Variants in POLH observed in about 807,000 individuals in gnomAD.
The protein encoded by POLH is DNA polymerase eta.
In POLH, 53 loss-of-function variants were observed where a neutral mutation model predicts 73.6. The observed-to-expected ratio is 0.72, with a 90% CI of 0.58 to 0.91. The LOEUF is 0.91. POLH is among the 40% of genes least tolerant of loss of function. The pLI is 0.00. For synonymous variants in POLH, 292 were observed against 308.5 expected, an observed-to-expected ratio of 0.95 and a Z score of 0.56; for missense variants, 768 against 865.4, an observed-to-expected ratio of 0.89 and a Z score of 1.41.
chr6:43,614,370 AC>A lies in POLH; in HGVS notation c.1956del (p.Tyr653IlefsTer59). The A allele has an allele frequency of 6.2e-7, 1 of 1,613,988 alleles. No homozygotes were observed. Among genetic ancestry groups the A allele is most frequent in the Non-Finnish European group, 8.5e-7 (1 of 1,179,836 alleles). ...VPVWDMPEHMDYHFALELQKS... is the reference protein window; with the variant it reads ...VPVWDMPEHMXYHFALELQKS... The stretch of plus-strand genomic sequence containing the variant: ...GTATGGGATATGCCAGAACACATGG[AC>A]TATCATTTTGCATTGGAGTTGCAGA... On this transcript the variant is annotated frameshift_variant, in exon 11 of 11. Coordinates refer to ENST00000372236, the MANE Select transcript of POLH (RefSeq NM_006502.3). LOFTEE classifies it high-confidence loss of function.
At chr6:43,605,097 G>A (rs181848341) in intron 8 of POLH, among the ~76,000 whole-genome samples, 157 bp from the exon 9 acceptor site, 42 of 152,258 alleles carry the variant, frequency 2.8e-4, no homozygotes, top group Non-Finnish European at 5.1e-4. Context: ...AGGACAGAAG[G>A]ACTGGGAACA....
chr6:43,592,420 T>TTTG (rs1765560515), intron 4 of POLH, among the ~76,000 whole-genome samples: 2 of 149,584 alleles, frequency 1.3e-5, no homozygotes, highest in Non-Finnish European at 1.5e-5. Flanking sequence ...TTTTTTTTTT[T>TTTG]TTGGAGAGGG....
chr6:43,585,898 C>A (rs1179560407), intron 3 of POLH, among the ~76,000 whole-genome samples: 2 of 151,646 alleles, frequency 1.3e-5, no homozygotes, highest in Non-Finnish European at 2.9e-5. Context: ...CCCACCTCTG[C>A]CTCCCAAAGT....
chr6:43,577,781 T>C (rs1323251733), intron 1 of POLH, among the ~76,000 whole-genome samples: 4 of 152,238 alleles, frequency 2.6e-5, no homozygotes, highest in African/African-American at 7.2e-5. Flanking sequence ...TGGAATTACC[T>C]GGAGAGCTTT....
intron 7 of POLH, 66 bp from the exon 8 acceptor site, chr6:43,604,549 T>C: frequency 1.3e-6 from 2 of 1,525,082 alleles, no homozygotes; most frequent in South Asian, 2.2e-5. Context: ...AATATAGTTA[T>C]TTGGTTTTGT....
At chr6:43,612,880 C>T (rs902021682) in intron 10 of POLH, among the ~76,000 whole-genome samples, 1 of 150,624 alleles carries the variant, frequency 6.6e-6, no homozygotes, top group African/African-American at 2.4e-5. Context: ...CCGCTCACTG[C>T]AACCTCTGCC....
chr6:43,581,909 G>A (rs1764318914), intron 1 of POLH, among the ~76,000 whole-genome samples: 1 of 150,310 alleles, frequency 6.7e-6, no homozygotes, highest in Non-Finnish European at 1.5e-5. Context: ...CTCCTCTCAA[G>A]ATCGAGTGAA....
intron 1 of POLH, among the ~76,000 whole-genome samples, chr6:43,580,880 C>G: frequency 6.7e-6 from 1 of 149,236 alleles, no homozygotes; most frequent in African/African-American, 2.5e-5. Context: ...GGGCGGCTGG[C>G]CGGGCGGAGG....
intron 7 of POLH, 149 bp downstream of exon 7, chr6:43,604,160 T>G: frequency 1.3e-6 from 1 of 747,102 alleles, no homozygotes; most frequent in South Asian, 1.6e-5. Flanking sequence ...CTTCAATATC[T>G]TGGGTCACTA....
chr6:43,597,609 C>T (rs1009193805), intron 4 of POLH, 87 bp from the exon 5 acceptor site: 58 of 1,262,362 alleles, frequency 4.6e-5, no homozygotes, highest in South Asian at 4.0e-4. Context: ...GTCTAAATAC[C>T]TGTAATCTAA....
At position 43,614,075 on chromosome 6, in the gene POLH, CA is replaced by C. The variant is rs886039225; in HGVS notation, c.1664del (p.Asn555ThrfsTer30). On this transcript the variant is annotated frameshift_variant, in exon 11 of 11. Transcript: ENST00000372236. LOFTEE classifies it high-confidence loss of function. ...TAATTCTTCAGTTTCTTCCCCCCAACAAAACCCATGGTCCAACTGTAAAGCA... is the reference window on the plus strand; with the variant it reads ...TAATTCTTCAGTTTCTTCCCCCCAACAAACCCATGGTCCAACTGTAAAGCA... ...LNNSSVSSPQQNPWSNCKALP... is the reference protein window; with the variant it reads ...LNNSSVSSPQXNPWSNCKALP... 1.2e-6 allele frequency: 2 copies of C among 1,614,184 alleles called. No homozygotes were observed. The highest frequency in any genetic ancestry group is 4.5e-5 in the East Asian group (2 of 44,886).
chr6:43,612,278 C>T (rs184236006), intron 10 of POLH, among the ~76,000 whole-genome samples: 5 of 151,116 alleles, frequency 3.3e-5, no homozygotes, highest in Middle Eastern at 3.5e-3. Flanking sequence ...CCGTGATGCA[C>T]AGGGAAGCAT....
At chr6:43,589,285 A>T (rs1443756524) in intron 4 of POLH, among the ~76,000 whole-genome samples, 1 of 152,140 alleles carries the variant, frequency 6.6e-6, no homozygotes, top group Non-Finnish European at 1.5e-5. Flanking sequence ...CATTTTCCCT[A>T]GTGACAAATT....
chr6:43,608,908 C>T (rs778528222), intron 9 of POLH, among the ~76,000 whole-genome samples: 19 of 152,184 alleles, frequency 1.2e-4, no homozygotes, highest in Non-Finnish European at 1.6e-4. Context: ...TGCTACTTCT[C>T]TGACCCCATC....
chr6:43,595,129 GAGAATGCCCTGCCAAA>G (rs1765894251), intron 4 of POLH, among the ~76,000 whole-genome samples: 1 of 151,914 alleles, frequency 6.6e-6, no homozygotes, highest in South Asian at 2.1e-4. Context: ...TCAGGAGGCA[GAGAATGCCCTGCCAAA>G]AGACAGGTTT....
At position 43,617,757 on chromosome 6, in the gene POLH, G is replaced by A. The variant is rs909279559; in HGVS notation, c.*3200G>A. Among the ~76,000 whole-genome samples the A allele has an allele frequency of 7.0e-4, 107 of 152,142 alleles. No individual in the cohort carries two copies. Among genetic ancestry groups the A allele is most frequent in the African/African-American group, 2.4e-3 (101 of 41,532 alleles). On this transcript the variant is annotated 3_prime_UTR_variant, in exon 11 of 11. Transcript: ENST00000372236. ...ATCCTGGCCAACATGGTGAAACCCC[G>A]TCTCTACTGAAAATACAACTGGGCG...
chr6:43,601,065 C>T lies in POLH; in HGVS notation c.738C>T (p.Leu246=), dbSNP rs145530456. ...TLVSHGSVPQ[L]FSQMPIRKIR... ...TTTCACATGGGTCAGTCCCACAGCT[C>T]TTCAGCCAAATGCCCATTCGCAAAA... Residue 246 remains leucine, a synonymous_variant, in exon 6 of 11, where the codon CTC becomes CTT. Transcript: ENST00000372236. 980 of 1,613,830 alleles carry T rather than the reference C, an allele frequency of 6.1e-4. No individual in the cohort carries two copies. The highest frequency in any genetic ancestry group is 6.7e-4 in the Non-Finnish European group (787 of 1,179,742).
chr6:43,608,564 G>A (rs1047384919), intron 9 of POLH, among the ~76,000 whole-genome samples: 4 of 151,974 alleles, frequency 2.6e-5, no homozygotes, highest in South Asian at 2.1e-4. Context: ...GCTGTCATCC[G>A]TGCTGGAGCA....
intron 4 of POLH, among the ~76,000 whole-genome samples, chr6:43,595,794 A>G (rs2127791780): frequency 6.6e-6 from 1 of 152,112 alleles, no homozygotes; most frequent in Non-Finnish European, 1.5e-5. Context: ...AAAATAAATA[A>G]TTAAATAAAT....
Sources: gnomAD v4.1 joint callset for allele counts (sites outside exome capture counted in the v4.1 genomes callset) on GRCh38, gnomAD v4.1.1 for gene constraint, MANE v1.5 for transcripts, NCBI Gene and HGNC (gene_info 2026-07-23, HGNC 2026-07-21) for gene names.